The following BBX variants were observed in gnomAD, a reference collection of about 807,000 sequenced individuals.
BBX encodes BBX high mobility group box domain containing, also known as HMG box transcription factor BBX.
Under a neutral mutation model 100.2 loss-of-function variants are expected in BBX, and 30 were observed. That is an observed-to-expected ratio of 0.30 (90% CI 0.22 to 0.41). The LOEUF is 0.41. Ranked by LOEUF, BBX falls within the 10% of genes least tolerant of loss-of-function variation. The pLI, the probability that BBX is intolerant of heterozygous loss-of-function variation, is 1.00. For missense variants in BBX, 1,023 were observed against 1,129.8 expected, an observed-to-expected ratio of 0.91 and a Z score of 1.35; for synonymous variants, 376 against 388.1, an observed-to-expected ratio of 0.97 and a Z score of 0.37.
chr3:107,558,330 A>G (rs2050232112), intron 2 of BBX, among the ~76,000 whole-genome samples: 1 of 152,178 alleles, frequency 6.6e-6, no homozygotes, highest in African/African-American at 2.4e-5. Flanking sequence ...CTACTAAGAA[A>G]TACAATAATT....
rs752103677 is a variant in BBX, at chr3:107,773,044, C to T, written c.1323C>T (p.Pro441=). ...HPHGIMIIED[P]AALNKPEKLK... Reference sequence around the variant, plus strand: ...ATGGAATTATGATCATTGAGGATCCCGCAGCATTAAACAAGCCAGAAAAGC... The same window carrying T: ...ATGGAATTATGATCATTGAGGATCCTGCAGCATTAAACAAGCCAGAAAAGC... The change falls in exon 11 of 18, where the codon CCC becomes CCT. Residue 441 remains proline, a synonymous_variant. Coordinates refer to ENST00000325805, the MANE Select transcript of BBX (RefSeq NM_001142568.3). The surrounding 1 kb of genome is among the most constrained non-coding windows in gnomAD (Gnocchi z 4.1). The T allele has an allele frequency of 4.3e-6, 7 of 1,613,530 alleles. No homozygotes were observed. Among genetic ancestry groups the T allele is most frequent in the Admixed American group, 3.3e-5 (2 of 59,936 alleles).
intron 3 of BBX, among the ~76,000 whole-genome samples, chr3:107,660,505 T>TAAAAAAAAAAAAAA (rs34604623): frequency 3.9e-5 from 4 of 101,322 alleles, no homozygotes; most frequent in Non-Finnish European, 4.0e-5. Flanking sequence ...CAAAAAGCAT[T>TAAAAAAAAAAAAAA]AAAAAAAAAA....
chr3:107,792,333 A>G (rs2069147770), intron 15 of BBX, among the ~76,000 whole-genome samples: 2 of 152,250 alleles, frequency 1.3e-5, no homozygotes, highest in Non-Finnish European at 2.9e-5. Flanking sequence ...ATTCACTTAT[A>G]TCCAGAAATG....
At chr3:107,738,926 T>C (rs1400194664) in intron 7 of BBX, among the ~76,000 whole-genome samples, 1 of 152,166 alleles carries the variant, frequency 6.6e-6, no homozygotes, top group East Asian at 1.9e-4. Flanking sequence ...TTCTCAAAGG[T>C]CGTAGAATGA....
At position 107,728,870 on chromosome 3, in the gene BBX, T is replaced by C; in HGVS notation, c.511T>C (p.Trp171Arg). Reference protein sequence around the residue: ...TPTVNPRKKLWAFPSDSSRDL... With the variant: ...TPTVNPRKKLRAFPSDSSRDL... Reference sequence around the variant, plus strand: ...CACTGTCAATCCACGAAAGAAACTTTGGGCCTTCCCATCTGACTCTTCAAG... The same window carrying C: ...CACTGTCAATCCACGAAAGAAACTTCGGGCCTTCCCATCTGACTCTTCAAG... The change falls in exon 6 of 18, where the codon TGG becomes CGG. Residue 171 changes from tryptophan (W) to arginine (R), a missense_variant. By Grantham distance (101) the Trp-to-Arg change is moderately radical. Transcript: ENST00000325805. The C allele has an allele frequency of 1.2e-6, 2 of 1,613,970 alleles. No homozygotes were observed. Among genetic ancestry groups the C allele is most frequent in the Non-Finnish European group, 1.7e-6 (2 of 1,179,880 alleles).
At chr3:107,756,329 A>G (rs2065472550) in intron 10 of BBX, among the ~76,000 whole-genome samples, 3 of 152,256 alleles carry the variant, frequency 2.0e-5, no homozygotes, top group Middle Eastern at 3.4e-3. Context: ...CCTCAAGGAA[A>G]CATGCAGAAG....
chr3:107,717,108 T>C (rs1418161990), intron 5 of BBX, among the ~76,000 whole-genome samples: 1 of 152,166 alleles, frequency 6.6e-6, no homozygotes, highest in Non-Finnish European at 1.5e-5. Flanking sequence ...ACCCCACTGA[T>C]TGATATAAGG....
At chr3:107,743,918 G>GTTTTTTTTTTTTTTTTTTTTTTTA (rs2064329053) in intron 7 of BBX, among the ~76,000 whole-genome samples, 3 of 56,622 alleles carry the variant, frequency 5.3e-5, no homozygotes, top group African/African-American at 7.0e-5. Context: ...TGTTTTAGTG[G>GTTTTTTTTTTTTTTTTTTTTTTTA]TTTTTTTTTT....
intron 2 of BBX, among the ~76,000 whole-genome samples, chr3:107,553,923 A>G (rs2049887243): frequency 1.3e-5 from 2 of 152,162 alleles, no homozygotes; most frequent in Non-Finnish European, 2.9e-5. Flanking sequence ...GGAAGATGGT[A>G]GTATTTTAGG....
intron 15 of BBX, among the ~76,000 whole-genome samples, chr3:107,796,143 C>G (rs761759659): frequency 1.3e-5 from 2 of 152,308 alleles, no homozygotes; most frequent in Non-Finnish European, 1.5e-5. Context: ...GTTGGTTGGA[C>G]TGCTGTTAGT....
intron 5 of BBX, among the ~76,000 whole-genome samples, chr3:107,718,675 A>G (rs528152984): frequency 5.9e-5 from 9 of 152,202 alleles, no homozygotes; most frequent in East Asian, 3.9e-4. Context: ...TACAAACCCA[A>G]TAGGTGGCCA....
At chr3:107,701,904 T>C (rs2061086849) in intron 3 of BBX, among the ~76,000 whole-genome samples, 1 of 152,124 alleles carries the variant, frequency 6.6e-6, no homozygotes, top group African/African-American at 2.4e-5. Flanking sequence ...CTCTGGTACA[T>C]AGGAAGCATT....
At chr3:107,640,206 T>A (rs1419255012) in intron 2 of BBX, among the ~76,000 whole-genome samples, 1 of 152,188 alleles carries the variant, frequency 6.6e-6, no homozygotes, top group Non-Finnish European at 1.5e-5. Context: ...ATGCTTAGTA[T>A]ACCACCATGC....
intron 9 of BBX, among the ~76,000 whole-genome samples, chr3:107,752,929 T>G (rs2065189844): frequency 6.6e-6 from 1 of 152,214 alleles, no homozygotes; most frequent in Non-Finnish European, 1.5e-5. Flanking sequence ...TATATATCTC[T>G]TAGGTAGAAC....
In BBX at chr3:107,807,267, T is replaced by C. The variant is rs2071110696; in HGVS notation, c.*1810T>C. The C allele has an allele frequency of 6.6e-6, 1 of 152,116 alleles. No individual in the cohort carries two copies. 9.4% of individuals were successfully genotyped at this position (152,116 alleles called of 1,614,324 possible). ...TGATGTGCTCAAAAATGCATATTCCTGGTGGGGATGGAGGAAGAAGGCATT... is the reference window on the plus strand; with the variant it reads ...TGATGTGCTCAAAAATGCATATTCCCGGTGGGGATGGAGGAAGAAGGCATT... On this transcript the variant is annotated 3_prime_UTR_variant, in exon 18 of 18. Transcript: ENST00000325805.
chr3:107,730,599 CTT>C (rs1019210731), intron 6 of BBX, among the ~76,000 whole-genome samples: 1 of 151,832 alleles, frequency 6.6e-6, no homozygotes, highest in African/African-American at 2.4e-5. Context: ...GTTTCTGACA[CTT>C]TATTAATCTG....
intron 7 of BBX, among the ~76,000 whole-genome samples, chr3:107,744,375 C>T (rs1264179976): frequency 6.6e-6 from 1 of 152,128 alleles, no homozygotes; most frequent in Non-Finnish European, 1.5e-5. Context: ...CCCTCTCTAA[C>T]ATTCTAAGCT....
At chr3:107,674,510 C>A (rs969168918) in intron 3 of BBX, among the ~76,000 whole-genome samples, 9 of 152,146 alleles carry the variant, frequency 5.9e-5, no homozygotes, top group African/African-American at 2.2e-4. Flanking sequence ...GATGACTGAT[C>A]CCAGTGTATT....
At chr3:107,654,637 T>C (rs2058033558) in intron 3 of BBX, among the ~76,000 whole-genome samples, 1 of 152,180 alleles carries the variant, frequency 6.6e-6, no homozygotes, top group African/African-American at 2.4e-5. Flanking sequence ...CGTTTCCTTA[T>C]AGGAGACAGA....
Sources: allele counts gnomAD v4.1 joint callset (sites outside exome capture counted in the v4.1 genomes callset), GRCh38; gene constraint gnomAD v4.1.1; non-coding constraint Gnocchi (gnomAD v3.1); transcripts MANE v1.5; gene names NCBI Gene and HGNC (gene_info 2026-07-23, HGNC 2026-07-21).